Variants in ECSCR observed in about 807,000 individuals in gnomAD.
ECSCR encodes the protein endothelial cell surface expressed chemotaxis and apoptosis regulator.
In ECSCR, 12 loss-of-function variants were observed where a neutral mutation model predicts 16.7. The ratio of observed to expected loss-of-function variants is 0.72; its 90% confidence interval spans 0.46 to 1.17. ECSCR has a LOEUF of 1.17. Among genes scored for constraint, ECSCR ranks in the 50% most tolerant of loss-of-function variants. The probability of loss-of-function intolerance (pLI) is 0.00; values close to 1 mark genes in which losing one functional copy is unlikely to be tolerated. For missense variants in ECSCR, 122 were observed against 116.1 expected, an observed-to-expected ratio of 1.05 and a Z score of -0.23; for synonymous variants, 44 against 42.2, an observed-to-expected ratio of 1.04 and a Z score of -0.17.
rs1751117603 is a variant in ECSCR, at chr5:139,454,653, A to T, written c.476-15T>A. 2.5e-6 allele frequency: 1 copy of T among 398,300 alleles called. No homozygotes were observed. The highest frequency in any genetic ancestry group is 2.1e-5 in the African/African-American group (1 of 48,588). 24.7% of individuals were successfully genotyped at this position (398,300 alleles called of 1,614,324 possible). ...TTTCTGGGGATCTGTAAAAAGCCAA[A>T]GGCACAGGTTGGGGCTCACATGCTG... On this transcript the variant is annotated splice_polypyrimidine_tract_variant and intron_variant, in intron 7 of 9. Coordinates refer to ENST00000618155, the MANE Select transcript of ECSCR (RefSeq NM_001077693.4).
At chr5:139,451,178 G>GGT (rs1044236113) in intron 8 of ECSCR, among the ~76,000 whole-genome samples, 4 of 150,316 alleles carry the variant, frequency 2.7e-5, no homozygotes, top group African/African-American at 7.4e-5. Context: ...ATGCATGTGT[G>GGT]GTGTGTGTGT....
intron 9 of ECSCR, 62 bp from the exon 10 acceptor site, chr5:139,448,970 G>A: frequency 6.5e-7 from 1 of 1,536,236 alleles, no homozygotes; most frequent in Non-Finnish European, 8.7e-7. Flanking sequence ...GTACAGAAGA[G>A]GGGAGAAAAG....
rs1169579866 is a variant in ECSCR, at chr5:139,448,732, T to C, written c.*168A>G. 12 of 1,439,662 alleles carry C rather than the reference T, an allele frequency of 8.3e-6. No individual in the cohort carries two copies. Among genetic ancestry groups the C allele is most frequent in the Non-Finnish European group, 1.1e-5 (12 of 1,102,422 alleles). 89.2% of individuals were successfully genotyped at this position (1,439,662 alleles called of 1,614,324 possible). A position where few individuals can be genotyped will look rare whatever the true frequency, so the allele number is the denominator to read the frequency against. ...GGAAAGAGTCTCCCCTGTTGGTAGC[T>C]TGCTCCCAGATCTGGGGCAATGCTA... is the stretch of plus-strand genomic sequence containing the variant. On this transcript the variant is annotated 3_prime_UTR_variant, in exon 10 of 10. Transcript: ENST00000618155.
Position 139,448,712 on chromosome 5 carries a change from G to A in ECSCR, c.*188C>T. 7.0e-7 allele frequency: 1 copy of A among 1,427,278 alleles called. No homozygotes were observed. The highest frequency in any genetic ancestry group is 1.6e-5 in the South Asian group (1 of 64,334). The allele number at this position is 1,427,278 out of a possible 1,614,324, so 88.4% of individuals were successfully genotyped here. ...CCACAGCAGCTGTCCATACAGGAAA[G>A]AGTCTCCCCTGTTGGTAGCTTGCTC... On this transcript the variant is annotated 3_prime_UTR_variant, in exon 10 of 10. Transcript: ENST00000618155.
chr5:139,454,411 GGT>G (rs1444082598), intron 8 of ECSCR, among the ~76,000 whole-genome samples, 189 bp downstream of exon 8: 7 of 145,764 alleles, frequency 4.8e-5, no homozygotes, highest in African/African-American at 1.5e-4. Flanking sequence ...GTGGGTTTGA[GGT>G]GTGTGTGGGT....
At chr5:139,459,744 C>T (rs545836809) in intron 1 of ECSCR, among the ~76,000 whole-genome samples, 1 of 152,246 alleles carries the variant, frequency 6.6e-6, no homozygotes, top group African/African-American at 2.4e-5. Flanking sequence ...CTCTCAGCAT[C>T]AGGGGAGCAT....
intron 6 of ECSCR, 38 bp from the exon 7 acceptor site, chr5:139,454,961 G>C (rs898356002): frequency 2.5e-6 from 1 of 398,676 alleles, no homozygotes; most frequent in Non-Finnish European, 4.4e-6. Context: ...GGGGCCAGTC[G>C]GGGGGACAAA....
chr5:139,457,650 G>T, intron 3 of ECSCR, 46 bp from the exon 4 acceptor site: 2 of 1,273,294 alleles, frequency 1.6e-6, no homozygotes, highest in East Asian at 2.3e-5. Flanking sequence ...GGGTAGGTTT[G>T]GTGACACCAC....
chr5:139,450,747 G>A (rs532048165), intron 8 of ECSCR, among the ~76,000 whole-genome samples: 1 of 151,092 alleles, frequency 6.6e-6, no homozygotes, highest in Non-Finnish European at 1.5e-5. Flanking sequence ...CTGCACTCCA[G>A]CCCAGGCAAC....
rs1269136733 is a variant in ECSCR, at chr5:139,454,648, G to T, written c.476-10C>A. On this transcript the variant is annotated splice_polypyrimidine_tract_variant and intron_variant, in intron 7 of 9. Coordinates refer to ENST00000618155, the MANE Select transcript of ECSCR (RefSeq NM_001077693.4). The stretch of plus-strand genomic sequence containing the variant: ...CCAGGTTTCTGGGGATCTGTAAAAA[G>T]CCAAAGGCACAGGTTGGGGCTCACA... The T allele has an allele frequency of 1.8e-5, 7 of 398,160 alleles. No homozygotes were observed. The highest frequency in any genetic ancestry group is 3.1e-5 in the Non-Finnish European group (7 of 225,940). The allele number at this position is 398,160 out of a possible 1,614,324, so 24.7% of individuals were successfully genotyped here. A position where few individuals can be genotyped will look rare whatever the true frequency, so the allele number is the denominator to read the frequency against.
intron 1 of ECSCR, 48 bp downstream of exon 1, chr5:139,462,562 C>T (rs1280721844): frequency 1.3e-6 from 2 of 1,550,580 alleles, no homozygotes; most frequent in South Asian, 1.2e-5. Flanking sequence ...CCTAGAATGG[C>T]CAGCTGCGGA....
At chr5:139,451,192 T>C (rs1309822550) in intron 8 of ECSCR, among the ~76,000 whole-genome samples, 4 of 146,114 alleles carry the variant, frequency 2.7e-5, no homozygotes, top group Non-Finnish European at 4.5e-5. Context: ...TGTGTGTATG[T>C]GGTGTGGGGT....
In ECSCR at chr5:139,449,066, A is replaced by C. The variant is rs1326658491; in HGVS notation, c.609+12T>G. On this transcript the variant is annotated intron_variant, in intron 9 of 9. Transcript: ENST00000618155. ...AATTTGGGGAAGGAAGGCAGGAAACAGAAAAATGTACCTTCTCTGCTGAGA... is the reference window on the plus strand; with the variant it reads ...AATTTGGGGAAGGAAGGCAGGAAACCGAAAAATGTACCTTCTCTGCTGAGA... The C allele has an allele frequency of 6.5e-7, 1 of 1,536,756 alleles. No homozygotes were observed. The highest frequency in any genetic ancestry group is 8.7e-7 in the Non-Finnish European group (1 of 1,146,426).
chr5:139,462,613 G>T lies in ECSCR; in HGVS notation c.58C>A (p.Arg20=). 1 of 1,596,324 alleles carries T rather than the reference G, an allele frequency of 6.3e-7. No individual in the cohort carries two copies. The highest frequency in any genetic ancestry group is 2.3e-5 in the East Asian group (1 of 43,880). Residue 20 remains arginine (R), a synonymous_variant, in exon 1 of 10, where the codon CGA becomes AGA. Coordinates refer to ENST00000618155, the MANE Select transcript of ECSCR (RefSeq NM_001077693.4). The stretch of plus-strand genomic sequence containing the variant: ...GAAAGCGGCAGGCACCTCTTACCTC[G>T]GAACAGGAGGAAGCCCAGGATCACC... ...CWVILGFLLF[R]GHNSQPTMTQ... is the part of the protein sequence containing the mutation.
chr5:139,451,925 G>T (rs1238278714), intron 8 of ECSCR, among the ~76,000 whole-genome samples: 1 of 148,750 alleles, frequency 6.7e-6, no homozygotes, highest in Non-Finnish European at 1.5e-5. Context: ...GGTGTATGGG[G>T]CATGTTGTGT....
intron 1 of ECSCR, among the ~76,000 whole-genome samples, chr5:139,461,723 G>C (rs780730312): frequency 1.2e-4 from 18 of 152,224 alleles, no homozygotes; most frequent in Non-Finnish European, 2.1e-4. Flanking sequence ...ATCTCCGGAA[G>C]CCAGTGTTCT....
At chr5:139,462,743 TGC>T, upstream of ECSCR, 1 of 552,154 alleles carries the variant, frequency 1.8e-6, no homozygotes. Context: ...AGAGAGGGAG[TGC>T]TGGGGCGGGA....
At chr5:139,454,110 GTGATGTGTGGGGTGTGTGGTGTGTC>G (rs1314393339) in intron 8 of ECSCR, among the ~76,000 whole-genome samples, 4 of 144,470 alleles carry the variant, frequency 2.8e-5, no homozygotes, top group Non-Finnish European at 6.1e-5. Context: ...TGTGTGATGT[GTGATGTGTGGGGTGTGTGGTGTGTC>G]TGATGAGTGG....
chr5:139,450,544 G>A (rs1751017194), intron 8 of ECSCR, among the ~76,000 whole-genome samples: 1 of 151,010 alleles, frequency 6.6e-6, no homozygotes, highest in Non-Finnish European at 1.5e-5. Flanking sequence ...TTGGGAGGCT[G>A]AGGTGGGTGG....
Sources: allele counts gnomAD v4.1 joint callset (sites outside exome capture counted in the v4.1 genomes callset), GRCh38; gene constraint gnomAD v4.1.1; transcripts MANE v1.5; gene names NCBI Gene and HGNC (gene_info 2026-07-23, HGNC 2026-07-21).